Variants in UBL3 observed in about 807,000 individuals in gnomAD.
UBL3 encodes the protein ubiquitin like 3, also known as ubiquitin-like protein 3.
Under a neutral mutation model 18.4 loss-of-function variants are expected in UBL3, and 6 were observed. The observed-to-expected ratio is 0.33, with a 90% CI of 0.18 to 0.64. UBL3 has a LOEUF of 0.64. Among genes scored for constraint, UBL3 ranks in the 30% least tolerant of loss-of-function variants. The pLI is 0.76. For missense variants in UBL3, 109 were observed against 142.9 expected (o/e 0.76, Z 1.21); for synonymous variants, 49 against 46.6 (o/e 1.05, Z -0.21).
At chr13:29,836,358 A>G (rs1345354292) in intron 1 of UBL3, among the ~76,000 whole-genome samples, 2 of 151,348 alleles carry the variant, frequency 1.3e-5, no homozygotes, top group Non-Finnish European at 3.0e-5. Context: ...AAATAAATAA[A>G]CAAATAAATA....
intron 1 of UBL3, among the ~76,000 whole-genome samples, chr13:29,801,105 A>AT (rs1877750367): frequency 6.6e-6 from 1 of 152,178 alleles, no homozygotes; most frequent in South Asian, 2.1e-4. Context: ...CCCCTCTGCC[A>AT]TTGCAGATGC....
intron 1 of UBL3, among the ~76,000 whole-genome samples, chr13:29,812,286 T>C (rs1384502156): frequency 6.6e-6 from 1 of 152,084 alleles, no homozygotes; most frequent in Non-Finnish European, 1.5e-5. Context: ...ATCTGCACTT[T>C]GGGCTCTTAT....
intron 1 of UBL3, among the ~76,000 whole-genome samples, chr13:29,847,406 A>C (rs1879256587): frequency 6.6e-6 from 1 of 152,240 alleles, no homozygotes; most frequent in Admixed American, 6.5e-5. Flanking sequence ...CACAGAATCA[A>C]GGCCTTAACA....
At chr13:29,782,000 C>G (rs1445234901) in intron 1 of UBL3, among the ~76,000 whole-genome samples, 1 of 150,248 alleles carries the variant, frequency 6.7e-6, no homozygotes, top group African/African-American at 2.4e-5. Flanking sequence ...GAGACCCCAT[C>G]TCTAAAAAAA....
intron 1 of UBL3, among the ~76,000 whole-genome samples, chr13:29,784,703 C>T (rs917853661): frequency 1.2e-4 from 19 of 152,046 alleles, no homozygotes; most frequent in Non-Finnish European, 2.9e-5. Context: ...GAAGGGGAGA[C>T]AGGAAGGGTT....
At chr13:29,829,932 A>G (rs1878732203) in intron 1 of UBL3, among the ~76,000 whole-genome samples, 1 of 152,222 alleles carries the variant, frequency 6.6e-6, no homozygotes. Flanking sequence ...ATCATCTAAT[A>G]TGTGACCACA....
chr13:29,812,461 A>G (rs1447588227), intron 1 of UBL3, among the ~76,000 whole-genome samples: 2 of 151,906 alleles, frequency 1.3e-5, no homozygotes, highest in Non-Finnish European at 2.9e-5. Flanking sequence ...CCAAGGCACC[A>G]CCCCAGACAT....
intron 3 of UBL3, among the ~76,000 whole-genome samples, chr13:29,768,277 T>C (rs1304781498): frequency 6.6e-6 from 1 of 152,098 alleles, no homozygotes; most frequent in East Asian, 1.9e-4. Context: ...TTTATAACAT[T>C]TTTTCACTCA....
At chr13:29,823,749 A>C (rs951338417) in intron 1 of UBL3, among the ~76,000 whole-genome samples, 1 of 152,128 alleles carries the variant, frequency 6.6e-6, no homozygotes, top group African/African-American at 2.4e-5. Context: ...TCTAGGGTAC[A>C]TGCGCACAAT....
chr13:29,772,626 T>C (rs1876874281), intron 2 of UBL3, among the ~76,000 whole-genome samples: 5 of 152,026 alleles, frequency 3.3e-5, no homozygotes, highest in African/African-American at 4.8e-5. Flanking sequence ...TTAACAAAGA[T>C]CTAAAAAACA....
At position 29,766,206 on chromosome 13, in the gene UBL3, G is replaced by A. The variant is rs1333367647; in HGVS notation, c.*1049C>T. 1.3e-5 allele frequency: 2 copies of A among 152,418 alleles called. No individual in the cohort carries two copies. The highest frequency in any genetic ancestry group is 2.9e-5 in the Non-Finnish European group (2 of 67,972). 9.4% of individuals were successfully genotyped at this position (152,418 alleles called of 1,614,324 possible). ...AAATAAAAGAAAAAGTGGCATTCTT[G>A]TGTATGCCATAAAAATCAGCTTTTG... is the stretch of plus-strand genomic sequence containing the variant. On this transcript the variant is annotated 3_prime_UTR_variant, in exon 5 of 5. Transcript: ENST00000380680.
chr13:29,838,794 T>C (rs1879022406), intron 1 of UBL3, among the ~76,000 whole-genome samples: 1 of 152,122 alleles, frequency 6.6e-6, no homozygotes, highest in Non-Finnish European at 1.5e-5. Context: ...CCAAATAATG[T>C]GGTACAGTAA....
At chr13:29,820,100 G>A (rs1234968187) in intron 1 of UBL3, among the ~76,000 whole-genome samples, 2 of 137,928 alleles carry the variant, frequency 1.5e-5, no homozygotes, top group Non-Finnish European at 3.2e-5. Flanking sequence ...CCTAATAGTA[G>A]TATGCGAGTG....
chr13:29,774,437 T>G (rs1344165710), intron 2 of UBL3, among the ~76,000 whole-genome samples: 1 of 152,172 alleles, frequency 6.6e-6, no homozygotes, highest in Non-Finnish European at 1.5e-5. Context: ...AATCTTTTTG[T>G]ATCACACTTA....
chr13:29,836,751 T>C (rs903997540), intron 1 of UBL3, among the ~76,000 whole-genome samples: 2 of 151,888 alleles, frequency 1.3e-5, no homozygotes, highest in South Asian at 2.1e-4. Context: ...CTCAGGAAAA[T>C]AAAAAGGAAC....
chr13:29,797,980 C>T (rs929222316), intron 1 of UBL3, among the ~76,000 whole-genome samples: 2 of 150,886 alleles, frequency 1.3e-5, no homozygotes, highest in Non-Finnish European at 3.0e-5. Context: ...TCCACCATTA[C>T]CCAGTTTTTC....
chr13:29,784,381 A>C (rs905453239), intron 1 of UBL3, among the ~76,000 whole-genome samples: 2 of 147,300 alleles, frequency 1.4e-5, no homozygotes, highest in African/African-American at 2.5e-5. Flanking sequence ...TTCTCCTCTG[A>C]GAATCTCTTA....
At chr13:29,808,887 T>C (rs1877964580) in intron 1 of UBL3, among the ~76,000 whole-genome samples, 1 of 152,120 alleles carries the variant, frequency 6.6e-6, no homozygotes, top group Non-Finnish European at 1.5e-5. Context: ...GGTATAAAAG[T>C]GCAAGTTGGA....
At chr13:29,840,332 C>T (rs1879065915) in intron 1 of UBL3, among the ~76,000 whole-genome samples, 1 of 152,158 alleles carries the variant, frequency 6.6e-6, no homozygotes, top group African/African-American at 2.4e-5. Context: ...TTTTTATGTA[C>T]TGACGAAATA....
Sources: allele counts gnomAD v4.1 joint callset (sites outside exome capture counted in the v4.1 genomes callset), GRCh38; gene constraint gnomAD v4.1.1; transcripts MANE v1.5; gene names NCBI Gene and HGNC (gene_info 2026-07-23, HGNC 2026-07-21).